EIF4E1B: variants seen among roughly 807,000 people sequenced by gnomAD.
EIF4E1B encodes eukaryotic translation initiation factor 4E type 1B.
Under a neutral mutation model 31.3 loss-of-function variants are expected in EIF4E1B, and 22 were observed. The observed-to-expected ratio is 0.70, with a 90% CI of 0.50 to 1.00. EIF4E1B has a LOEUF of 1.00. Among genes scored for constraint, EIF4E1B ranks in the 50% least tolerant of loss-of-function variants. The pLI is 0.00. For missense variants in EIF4E1B, 290 were observed against 311.6 expected (o/e 0.93, Z 0.52); for synonymous variants, 126 against 120.2 (o/e 1.05, Z -0.31).
chr5:176,644,094 C>A, intron 5 of EIF4E1B: 1 of 572,412 alleles, frequency 1.7e-6, no homozygotes, highest in Non-Finnish European at 3.1e-6. Context: ...GCTACACAAG[C>A]CCTAGGGAGG....
intron 1 of EIF4E1B, among the ~76,000 whole-genome samples, chr5:176,634,463 C>G (rs533585722): frequency 3.9e-5 from 6 of 151,930 alleles, no homozygotes; most frequent in Non-Finnish European, 7.4e-5. Flanking sequence ...AAAATTGGTT[C>G]AGTTATCTAG....
At chr5:176,642,886 G>C (rs551921260) in intron 3 of EIF4E1B, 84 bp downstream of exon 3, 2 of 1,523,520 alleles carry the variant, frequency 1.3e-6, no homozygotes, top group Non-Finnish European at 1.8e-6. Flanking sequence ...GGCGGGGCAG[G>C]TGCTGGTGGG....
chr5:176,643,004 C>T (rs560170677), intron 3 of EIF4E1B, 78 bp from the exon 4 acceptor site: 5 of 1,529,036 alleles, frequency 3.3e-6, no homozygotes, highest in African/African-American at 1.4e-5. Flanking sequence ...CCTCCTGGAG[C>T]AGGGGATGGG....
intron 4 of EIF4E1B, 102 bp from the exon 5 acceptor site, chr5:176,643,537 A>C: frequency 8.9e-7 from 1 of 1,120,014 alleles, no homozygotes. Context: ...CTCATCTCCC[A>C]GTTCGCCCTT....
At chr5:176,631,210 GATCCATA>G (rs1760373626) in intron 1 of EIF4E1B, 146 bp downstream of exon 1, 1 of 152,310 alleles carries the variant, frequency 6.6e-6, no homozygotes, top group Non-Finnish European at 1.5e-5. Flanking sequence ...GTGAGGACAA[GATCCATA>G]GAGAGTGCAA....
At chr5:176,641,032 A>C (rs1192556850) in intron 1 of EIF4E1B, among the ~76,000 whole-genome samples, 1 of 152,162 alleles carries the variant, frequency 6.6e-6, no homozygotes, top group Non-Finnish European at 1.5e-5. Flanking sequence ...AAATACAAAC[A>C]TCCTGGGCCT....
chr5:176,642,385 T>C (rs1472828713), intron 2 of EIF4E1B, among the ~76,000 whole-genome samples: 1 of 152,252 alleles, frequency 6.6e-6, no homozygotes, highest in East Asian at 1.9e-4. Context: ...ATGCCAGTAA[T>C]CCCAGCACTT....
At chr5:176,643,993 G>A (rs1469306658) in intron 5 of EIF4E1B, 2 of 570,010 alleles carry the variant, frequency 3.5e-6, no homozygotes, top group African/African-American at 3.8e-5. Context: ...ACCTGGGCAA[G>A]TTCCTTCCCC....
Position 176,645,270 on chromosome 5 carries a change from G to A in EIF4E1B, c.474+27G>A. On this transcript the variant is annotated intron_variant, in intron 7 of 8. Transcript: ENST00000318682. The surrounding 1 kb of genome is among the most constrained non-coding windows in gnomAD (Gnocchi z 5.4). ...TGAGTTGGAGGAGGAGGGTCCTCAGGGGAAGAGACGGGCTGTGTGGGTCTC... is the reference window on the plus strand; with the variant it reads ...TGAGTTGGAGGAGGAGGGTCCTCAGAGGAAGAGACGGGCTGTGTGGGTCTC... 1 of 1,603,982 alleles carries A rather than the reference G, an allele frequency of 6.2e-7. No individual in the cohort carries two copies. Among genetic ancestry groups the A allele is most frequent in the Non-Finnish European group, 8.5e-7 (1 of 1,174,050 alleles).
In EIF4E1B at chr5:176,645,793, T is replaced by C; in HGVS notation, c.615-73T>C. 7.4e-7 allele frequency: 1 copy of C among 1,344,594 alleles called. No homozygotes were observed. The highest frequency in any genetic ancestry group is 1.5e-5 in the African/African-American group (1 of 67,844). The allele number at this position is 1,344,594 out of a possible 1,614,324, so 83.3% of individuals were successfully genotyped here. On this transcript the variant is annotated intron_variant, in intron 8 of 8. Coordinates refer to ENST00000318682, the MANE Select transcript of EIF4E1B (RefSeq NM_001099408.2). This position sits in a 1 kb window ranked among gnomAD's most constrained non-coding sequence, Gnocchi z 5.4. ...GGCCAGAATGAGGGTAGGAGTCTGG[T>C]GGCCTAAGTTATCTCTAGGACCCTC...
At chr5:176,637,074 C>G (rs1760506102) in intron 1 of EIF4E1B, among the ~76,000 whole-genome samples, 1 of 152,258 alleles carries the variant, frequency 6.6e-6, no homozygotes, top group Non-Finnish European at 1.5e-5. Context: ...CCTCCCTGCT[C>G]CCTCTGACTT....
Position 176,646,269 on chromosome 5 carries a change from T to C in EIF4E1B, c.*289T>C. ...ATGGCGGGGAAGGAGGGCTCTATGG[T>C]AGGCGGAGAAACCCATAGTCCAGCG... is the stretch of plus-strand genomic sequence containing the variant. On this transcript the variant is annotated 3_prime_UTR_variant, in exon 9 of 9. Coordinates refer to ENST00000318682, the MANE Select transcript of EIF4E1B (RefSeq NM_001099408.2). 2.8e-6 allele frequency: 1 copy of C among 358,982 alleles called. No individual in the cohort carries two copies. The highest frequency in any genetic ancestry group is 5.2e-6 in the Non-Finnish European group (1 of 191,218). 22.2% of individuals were successfully genotyped at this position (358,982 alleles called of 1,614,324 possible).
chr5:176,645,495 A>G lies in EIF4E1B; in HGVS notation c.593A>G (p.Gln198Arg). Residue 198 changes from glutamine (Q) to arginine (R), a missense_variant, in exon 8 of 9, where the codon CAG (glutamine) becomes CGG (arginine). Gln to Arg is a conservative substitution (Grantham distance 43). Transcript: ENST00000318682. The surrounding 1 kb of genome is among the most constrained non-coding windows in gnomAD (Gnocchi z 5.4). Reference sequence around the variant, plus strand: ...GTGTGGACGAGGGAGGCGGAAAACCAGGCGGGCGTGCTGCACGTTGGGTGA... The same window carrying G: ...GTGTGGACGAGGGAGGCGGAAAACCGGGCGGGCGTGCTGCACGTTGGGTGA... The part of the protein sequence containing the change: ...IAVWTREAEN[Q>R]AGVLHVGRVY... The G allele has an allele frequency of 6.6e-7, 1 of 1,517,668 alleles. No homozygotes were observed. Among genetic ancestry groups the G allele is most frequent in the South Asian group, 1.3e-5 (1 of 74,610 alleles). The allele number at this position is 1,517,668 out of a possible 1,614,324, so 94.0% of individuals were successfully genotyped here.
At position 176,645,150 on chromosome 5, in the gene EIF4E1B, G is replaced by T; in HGVS notation, c.381G>T (p.Trp127Cys). 1 of 1,568,838 alleles carries T rather than the reference G, an allele frequency of 6.4e-7. No individual in the cohort carries two copies. The highest frequency in any genetic ancestry group is 2.4e-5 in the East Asian group (1 of 42,152). ...TGCAGGATGGCATCCAGCCCATGTG[G>T]GAGGACAGCAGGAATAAACGGGGTG... ...ALFKDGIQPM[W>C]EDSRNKRGGR... The change falls in exon 7 of 9, where the codon TGG (tryptophan) becomes TGT (cysteine). Residue 127 changes from tryptophan to cysteine, a missense_variant. Coordinates refer to ENST00000318682, the MANE Select transcript of EIF4E1B (RefSeq NM_001099408.2). This position sits in a 1 kb window ranked among gnomAD's most constrained non-coding sequence, Gnocchi z 5.4.
chr5:176,637,614 C>T (rs920570224), intron 1 of EIF4E1B, among the ~76,000 whole-genome samples: 3 of 152,070 alleles, frequency 2.0e-5, no homozygotes, highest in Admixed American at 6.6e-5. Context: ...GGGCAGGGAT[C>T]GCCTACCCTG....
At chr5:176,642,951 G>C in intron 3 of EIF4E1B, 131 bp from the exon 4 acceptor site, 1 of 1,467,592 alleles carries the variant, frequency 6.8e-7, no homozygotes, top group Non-Finnish European at 9.1e-7. Flanking sequence ...TGGAGTTTGA[G>C]CTGGGCATGG....
chr5:176,645,411 A>C lies in EIF4E1B; in HGVS notation c.509A>C (p.His170Pro), dbSNP rs202006112. The C allele has an allele frequency of 3.7e-5, 57 of 1,522,714 alleles. No individual in the cohort carries two copies. The African/African-American group carries it at 7.9e-4, about 21-fold the overall frequency. 94.3% of individuals were successfully genotyped at this position (1,522,714 alleles called of 1,614,324 possible). The change falls in exon 8 of 9, where the codon CAC becomes CCC. Residue 170 changes from histidine (H) to proline (P), a missense_variant. By Grantham distance (77) the His-to-Pro change is moderately conservative. Transcript: ENST00000318682. This position sits in a 1 kb window ranked among gnomAD's most constrained non-coding sequence, Gnocchi z 5.4. ...LCLIGESFEE[H>P]SREVCGAVVN... is the part of the protein sequence containing the mutation. ...CTGATCGGGGAGAGCTTTGAGGAAC[A>C]CAGCAGAGAGGTATGTGGGGCCGTC...
At chr5:176,636,764 A>C (rs1177432255) in intron 1 of EIF4E1B, among the ~76,000 whole-genome samples, 1 of 152,238 alleles carries the variant, frequency 6.6e-6, no homozygotes, top group African/African-American at 2.4e-5. Context: ...GCAATCCTTC[A>C]AAGCAGGCAT....
chr5:176,645,593 C>T lies in EIF4E1B; in HGVS notation c.614+77C>T. ...AGGTGGGTGGAGGGGGCTTGGCCTG[C>T]ATGGGAGACCTCTGAAAGTCTCCAT... On this transcript the variant is annotated intron_variant, in intron 8 of 8. Transcript: ENST00000318682. The surrounding 1 kb of genome is among the most constrained non-coding windows in gnomAD (Gnocchi z 5.4). 1 of 1,449,424 alleles carries T rather than the reference C, an allele frequency of 6.9e-7. No individual in the cohort carries two copies. Among genetic ancestry groups the T allele is most frequent in the Non-Finnish European group, 9.1e-7 (1 of 1,099,506 alleles). 89.8% of individuals were successfully genotyped at this position (1,449,424 alleles called of 1,614,324 possible).
Sources: allele counts gnomAD v4.1 joint callset (sites outside exome capture counted in the v4.1 genomes callset), GRCh38; gene constraint gnomAD v4.1.1; non-coding constraint Gnocchi (gnomAD v3.1); transcripts MANE v1.5; gene names NCBI Gene and HGNC (gene_info 2026-07-23, HGNC 2026-07-21).